ZNF665: variants seen among roughly 807,000 people sequenced by gnomAD.
ZNF665 encodes the protein zinc finger protein 665.
A neutral mutation model predicts 7.9 loss-of-function variants in ZNF665; 6 were observed. That is an observed-to-expected ratio of 0.76 (90% CI 0.42 to 1.50). The LOEUF is 1.50. Among genes scored for constraint, ZNF665 ranks in the 40% most tolerant of loss-of-function variants. The pLI, the probability that ZNF665 is intolerant of heterozygous loss-of-function variation, is 0.01. For missense variants in ZNF665, 819 were observed against 806.7 expected (o/e 1.02, Z -0.18); for synonymous variants, 242 against 274.5 (o/e 0.88, Z 1.17).
At chr19:53,190,360 G>T (rs562197658) in intron 1 of ZNF665, 1 of 152,286 alleles carries the variant, frequency 6.6e-6, no homozygotes, top group Non-Finnish European at 1.5e-5. Flanking sequence ...TCATACTATT[G>T]TCACACTCAA....
rs1156848934 is a variant in ZNF665, at chr19:53,162,553, T to C, written c.*1900A>G. ...AACATGGGATTCTGGTTACTTTGAT[T>C]AAACTTCTTATGCTCGGCCGGCCGG... On this transcript the variant is annotated 3_prime_UTR_variant, in exon 4 of 4. Transcript: ENST00000396424. 1.3e-5 allele frequency: 2 copies of C among 152,054 alleles called. No individual in the cohort carries two copies. Among genetic ancestry groups the C allele is most frequent in the African/African-American group, 4.8e-5 (2 of 41,400 alleles). 9.4% of individuals were successfully genotyped at this position (152,054 alleles called of 1,614,324 possible). A position where few individuals can be genotyped will look rare whatever the true frequency, so the allele number is the denominator to read the frequency against.
At chr19:53,167,909 C>T (rs1220035568) in intron 3 of ZNF665, among the ~76,000 whole-genome samples, 4 of 149,030 alleles carry the variant, frequency 2.7e-5, no homozygotes, top group Non-Finnish European at 6.0e-5. Context: ...ACAAAAAATT[C>T]GCCATGCGTT....
At chr19:53,168,105 G>T (rs181953246) in intron 3 of ZNF665, among the ~76,000 whole-genome samples, 3 of 138,500 alleles carry the variant, frequency 2.2e-5, no homozygotes, top group Admixed American at 2.1e-4. Flanking sequence ...GAAAAGAGGA[G>T]TTCTACTTCA....
rs564720678 is a variant in ZNF665 at position 53,172,774 on chromosome 19, A to G, written c.142+2671T>C. 2.3e-4 allele frequency among the ~76,000 whole-genome samples: 34 copies of G among 144,742 alleles called. 1 individual carries two copies. The East Asian group carries it at 5.2e-3, about 22-fold the overall frequency. 95.0% of individuals were successfully genotyped at this position (144,742 alleles called of 152,430 possible). On this transcript the variant is annotated intron_variant, in intron 3 of 3. Transcript: ENST00000396424. ...TGGGAGGCGGAGATTGCAGTGAGCCAAGATCACGCCACTGCACTCCAGCCT... is the reference window on the plus strand; with the variant it reads ...TGGGAGGCGGAGATTGCAGTGAGCCGAGATCACGCCACTGCACTCCAGCCT...
rs1392603283 is a variant in ZNF665 at position 53,163,067 on chromosome 19, C to G, written c.*1386G>C. On this transcript the variant is annotated 3_prime_UTR_variant, in exon 4 of 4. Transcript: ENST00000396424. ...TCTTTTTTTGAGTCAGAGTTTCGCTCTTATTGCCCAGACTGGAGTGCAGTG... is the reference window on the plus strand; with the variant it reads ...TCTTTTTTTGAGTCAGAGTTTCGCTGTTATTGCCCAGACTGGAGTGCAGTG... The G allele has an allele frequency of 1.3e-5, 2 of 152,128 alleles. No individual in the cohort carries two copies. The highest frequency in any genetic ancestry group is 2.9e-5 in the Non-Finnish European group (2 of 68,188). The allele number at this position is 152,128 out of a possible 1,614,324, so 9.4% of individuals were successfully genotyped here. A position where few individuals can be genotyped will look rare whatever the true frequency, so the allele number is the denominator to read the frequency against.
intron 3 of ZNF665, among the ~76,000 whole-genome samples, chr19:53,172,685 C>A (rs187052838): frequency 6.6e-6 from 1 of 151,888 alleles, no homozygotes; most frequent in Non-Finnish European, 1.5e-5. Flanking sequence ...ATTAGTCAGG[C>A]GTGGTGGTGC....
At chr19:53,183,061 T>C in intron 1 of ZNF665, 118 bp from the exon 2 acceptor site, 2 of 1,113,750 alleles carry the variant, frequency 1.8e-6, no homozygotes, top group South Asian at 2.5e-5. Flanking sequence ...AGGGAAGACC[T>C]TATACACAGG....
intron 3 of ZNF665, among the ~76,000 whole-genome samples, chr19:53,168,577 T>C (rs140140408): frequency 0.012 from 1,812 of 152,304 alleles, 38 homozygotes; most frequent in African/African-American, 0.041. Context: ...TTCCAGCATG[T>C]ATTTTTTGAG....
chr19:53,179,266 G>A (rs956353319), intron 2 of ZNF665, among the ~76,000 whole-genome samples: 1 of 151,558 alleles, frequency 6.6e-6, no homozygotes, highest in East Asian at 2.0e-4. Context: ...GTCCCAGCTG[G>A]TCGGGAGGCT....
At chr19:53,168,079 A>AAAAAGAAAG (rs1568656290) in intron 3 of ZNF665, among the ~76,000 whole-genome samples, 2 of 48,308 alleles carry the variant, frequency 4.1e-5, no homozygotes, top group Non-Finnish European at 3.6e-5. Context: ...AAAAAAAAAA[A>AAAAAGAAAG]AAAGAAAGAA....
chr19:53,191,391 G>C (rs1448378367), intron 1 of ZNF665, among the ~76,000 whole-genome samples: 2 of 152,272 alleles, frequency 1.3e-5, no homozygotes, highest in South Asian at 4.1e-4. Flanking sequence ...ACCCATAACT[G>C]AATGAGTCAA....
At chr19:53,177,726 C>G (rs2090709212) in intron 2 of ZNF665, among the ~76,000 whole-genome samples, 1 of 151,978 alleles carries the variant, frequency 6.6e-6, no homozygotes, top group Non-Finnish European at 1.5e-5. Context: ...CAAGTCAGAG[C>G]CTTAAAACTA....
At chr19:53,171,522 A>ATTTTTTTTTTT (rs1271373888) in intron 3 of ZNF665, among the ~76,000 whole-genome samples, 6 of 75,424 alleles carry the variant, frequency 8.0e-5, no homozygotes, top group African/African-American at 3.2e-4. Context: ...ATATATATAT[A>ATTTTTTTTTTT]TATTTTTTTT....
At chr19:53,189,086 T>TGTGTGTGTGTGA (rs1486319705) in intron 1 of ZNF665, among the ~76,000 whole-genome samples, 1 of 151,702 alleles carries the variant, frequency 6.6e-6, no homozygotes, top group African/African-American at 2.4e-5. Flanking sequence ...TGTGTGTGTG[T>TGTGTGTGTGTGA]GAATAGACAA....
At chr19:53,183,751 G>A (rs1458164144) in intron 1 of ZNF665, among the ~76,000 whole-genome samples, 2 of 152,170 alleles carry the variant, frequency 1.3e-5, no homozygotes, top group Non-Finnish European at 2.9e-5. Context: ...ACCTGCACCT[G>A]AGGGGCCAGA....
At chr19:53,170,129 A>C (rs2090646744) in intron 3 of ZNF665, among the ~76,000 whole-genome samples, 2 of 149,208 alleles carry the variant, frequency 1.3e-5, no homozygotes. Flanking sequence ...ACAATGGTTG[A>C]ACTAGTTTAC....
At chr19:53,192,924 C>CAG (rs2090828797) in intron 1 of ZNF665, among the ~76,000 whole-genome samples, 1 of 152,180 alleles carries the variant, frequency 6.6e-6, no homozygotes, top group African/African-American at 2.4e-5. Context: ...CAGGACCAGG[C>CAG]AGAGGCGCGG....
rs12971840 is a variant in ZNF665, at chr19:53,163,918, T to C, written c.*535A>G. On this transcript the variant is annotated 3_prime_UTR_variant, in exon 4 of 4. Transcript: ENST00000396424. ...CGTTTGTGTGACTTCATCAAAGATG[T>C]ATCTTTTGATGCGTATTGAGCTCTG... 0.52 allele frequency: 78,473 copies of C among 152,044 alleles called. 22,951 individuals are homozygous for C. The highest frequency in any genetic ancestry group is 0.71 in the South Asian group (3,442 of 4,818). The allele number at this position is 152,044 out of a possible 1,614,324, so 9.4% of individuals were successfully genotyped here.
rs182884502 is a variant in ZNF665 at position 53,173,158 on chromosome 19, T to C, written c.142+2287A>G. On this transcript the variant is annotated intron_variant, in intron 3 of 3. Transcript: ENST00000396424. ...TTCCCCTATGATTACTTCTAGTAGT[T>C]TTACATTATCAGGTCTTACGTTTAA... Among the ~76,000 whole-genome samples, 35 of 152,278 alleles carry C rather than the reference T, an allele frequency of 2.3e-4. 1 individual carries two copies. The East Asian group carries it at 5.0e-3, about 22-fold the overall frequency.
Sources: allele counts gnomAD v4.1 joint callset (sites outside exome capture counted in the v4.1 genomes callset), GRCh38; gene constraint gnomAD v4.1.1; transcripts MANE v1.5; gene names NCBI Gene and HGNC (gene_info 2026-07-23, HGNC 2026-07-21).